ANKRD26: variants seen among roughly 807,000 people sequenced by gnomAD.
The protein encoded by ANKRD26 is ankyrin repeat domain-containing protein 26.
In ANKRD26, 141 loss-of-function variants were observed where a neutral mutation model predicts 208.7. The observed-to-expected ratio is 0.68, with a 90% confidence interval of 0.59 to 0.78. The LOEUF (loss-of-function observed/expected upper bound fraction) is 0.78, where lower values mean the gene tolerates loss of function less well. Among genes scored for constraint, ANKRD26 ranks in the 30% least tolerant of loss-of-function variants. ANKRD26 has a pLI of 0.00. For missense variants in ANKRD26, 1,889 were observed against 1,938.7 expected (o/e 0.97, Z 0.48); for synonymous variants, 636 against 660.4 (o/e 0.96, Z 0.57).
chr10:27,012,542 T>C (rs1009882823), intron 32 of ANKRD26, among the ~76,000 whole-genome samples: 1 of 152,114 alleles, frequency 6.6e-6, no homozygotes, highest in Non-Finnish European at 1.5e-5. Context: ...AGGCTGGGCA[T>C]GGTGGCTCAC....
At chr10:27,093,650 T>A (rs1243409164) in intron 2 of ANKRD26, 35 bp downstream of exon 2, 1 of 1,603,052 alleles carries the variant, frequency 6.2e-7, no homozygotes, top group African/African-American at 1.3e-5. Flanking sequence ...TTAAGTCAAA[T>A]CCATCTGATG....
chr10:27,008,512 T>C (rs6482585), intron 32 of ANKRD26, among the ~76,000 whole-genome samples: 1 of 151,956 alleles, frequency 6.6e-6, no homozygotes, highest in Non-Finnish European at 1.5e-5. Flanking sequence ...GAACTACTAA[T>C]GTAATGTAGT....
At chr10:27,093,303 C>A in intron 3 of ANKRD26, 46 bp downstream of exon 3, 1 of 1,565,944 alleles carries the variant, frequency 6.4e-7, no homozygotes, top group Non-Finnish European at 8.7e-7. Context: ...ACTGTTGAAA[C>A]AAACGCATTT....
chr10:27,058,990 C>T (rs948394750), intron 15 of ANKRD26, among the ~76,000 whole-genome samples: 5 of 151,702 alleles, frequency 3.3e-5, no homozygotes, highest in Non-Finnish European at 7.4e-5. Context: ...TCTTGGCTCA[C>T]TGCAAACTCC....
chr10:26,961,808 A>T, the ANKRD26 span, among the ~76,000 whole-genome samples: 1 of 152,224 alleles, frequency 6.6e-6, no homozygotes, highest in Non-Finnish European at 1.5e-5. Context: ...CAACTCCATA[A>T]CCATTGTTAT....
Position 27,053,319 on chromosome 10 carries a change from C to A in ANKRD26, c.1635+1G>T. On this transcript the variant is annotated splice_donor_variant, in intron 16 of 33. Transcript: ENST00000376087. LOFTEE classifies it high-confidence loss of function. ...CAGAAATTTTTAAAAATATATAATA[C>A]CTGTGGCTGGTTATTTTCACTCCCT... The A allele has an allele frequency of 6.3e-7, 1 of 1,598,614 alleles. No homozygotes were observed. Among genetic ancestry groups the A allele is most frequent in the Non-Finnish European group, 8.6e-7 (1 of 1,168,634 alleles).
intron 21 of ANKRD26, among the ~76,000 whole-genome samples, chr10:27,039,033 G>A (rs372290157): frequency 7.9e-5 from 12 of 152,250 alleles, no homozygotes; most frequent in South Asian, 2.1e-4. Context: ...TAAGTAAACC[G>A]TAAAGAATAA....
At chr10:26,961,974 A>G in the ANKRD26 span, among the ~76,000 whole-genome samples, 2 of 152,242 alleles carry the variant, frequency 1.3e-5, no homozygotes, top group South Asian at 4.1e-4. Flanking sequence ...TAGAGGAAGG[A>G]AAACACATTC....
intron 4 of ANKRD26, among the ~76,000 whole-genome samples, chr10:27,091,886 C>T (rs889703806): frequency 6.6e-6 from 1 of 151,802 alleles, no homozygotes; most frequent in African/African-American, 2.4e-5. Context: ...ACTCAGGGGG[C>T]TGAGGCAGGA....
At chr10:26,949,434 T>TTCAG in the ANKRD26 span, among the ~76,000 whole-genome samples, 64,324 of 151,656 alleles carry the variant, frequency 0.42, 16,320 homozygotes, top group Non-Finnish European at 0.54. Flanking sequence ...TATCACATTA[T>TTCAG]TCAGTTTTCA....
intron 4 of ANKRD26, among the ~76,000 whole-genome samples, chr10:26,997,180 T>C (rs1346426925): frequency 6.6e-6 from 1 of 152,176 alleles, no homozygotes; most frequent in African/African-American, 2.4e-5. Context: ...TTTAGGGCCC[T>C]TGGTTGGTAG....
intron 32 of ANKRD26, among the ~76,000 whole-genome samples, chr10:27,010,589 G>A (rs11015451): frequency 0.012 from 1,847 of 152,222 alleles, 21 homozygotes; most frequent in South Asian, 0.036. Context: ...TTGAGCTCCT[G>A]AGCTCAAGTG....
At chr10:27,091,333 G>A (rs974883541) in intron 4 of ANKRD26, among the ~76,000 whole-genome samples, 6 of 152,158 alleles carry the variant, frequency 3.9e-5, no homozygotes, top group African/African-American at 1.4e-4. Flanking sequence ...ATCCAGTCTC[G>A]TGTGAATTTA....
At chr10:26,991,660 C>T (rs1019339336), downstream of ANKRD26, among the ~76,000 whole-genome samples, 5 of 152,150 alleles carry the variant, frequency 3.3e-5, no homozygotes, top group Admixed American at 2.0e-4. Flanking sequence ...AGGCTGGTCT[C>T]GAACTCCCCA....
chr10:27,005,816 T>C, intron 33 of ANKRD26, 93 bp from the exon 34 acceptor site: 2 of 1,478,192 alleles, frequency 1.4e-6, no homozygotes, highest in African/African-American at 2.8e-5. Context: ...ATTTTGTCAG[T>C]ATTAATAAGA....
chr10:26,989,904 G>A (rs2052455634), downstream of ANKRD26, among the ~76,000 whole-genome samples: 1 of 152,112 alleles, frequency 6.6e-6, no homozygotes, highest in African/African-American at 2.4e-5. Flanking sequence ...TGTAAATGGA[G>A]GTGAAGGAAG....
At chr10:27,013,823 G>A (rs961280099) in intron 31 of ANKRD26, among the ~76,000 whole-genome samples, 3 of 152,334 alleles carry the variant, frequency 2.0e-5, no homozygotes. Flanking sequence ...CTCAAAGGCA[G>A]TTAGCTCCTA....
chr10:27,097,120 T>C (rs2056493106), intron 1 of ANKRD26, among the ~76,000 whole-genome samples: 1 of 151,138 alleles, frequency 6.6e-6, no homozygotes, highest in African/African-American at 2.4e-5. Context: ...AGATGGATGT[T>C]GCATTGAGCC....
chr10:27,033,479 TA>T (rs2053947089), intron 24 of ANKRD26, 102 bp from the exon 25 acceptor site: 2 of 1,154,288 alleles, frequency 1.7e-6, no homozygotes, highest in Non-Finnish European at 2.5e-6. Flanking sequence ...ATATACAACT[TA>T]AAAAATATTA....
Sources: allele counts gnomAD v4.1 joint callset (sites outside exome capture counted in the v4.1 genomes callset), GRCh38; gene constraint gnomAD v4.1.1; transcripts MANE v1.5; gene names NCBI Gene and HGNC (gene_info 2026-07-23, HGNC 2026-07-21).